Variants in NLN observed in about 807,000 individuals in gnomAD.
NLN encodes the protein neurolysin, mitochondrial.
Under a neutral mutation model 79.9 loss-of-function variants are expected in NLN, and 64 were observed. The observed-to-expected ratio is 0.80, with a 90% CI of 0.65 to 0.99. The LOEUF (loss-of-function observed/expected upper bound fraction) is 0.99, where lower values mean the gene tolerates loss of function less well. Ranked by LOEUF, NLN falls within the 50% of genes least tolerant of loss-of-function variation. The probability of loss-of-function intolerance (pLI) is 0.00; values close to 1 mark genes in which losing one functional copy is unlikely to be tolerated. For synonymous variants in NLN, 267 were observed against 296.6 expected (o/e 0.90, Z 1.02); for missense variants, 835 against 858.7 (o/e 0.97, Z 0.34).
Position 65,809,713 on chromosome 5 carries a change from A to G in NLN, c.1714+12A>G. On this transcript the variant is annotated intron_variant, in intron 10 of 12. Transcript: ENST00000380985. ...GCTGGTCAACACAGGTATGACTTCTAATTTTAAAAAGGAAAATAAATTAGA... is the reference window on the plus strand; with the variant it reads ...GCTGGTCAACACAGGTATGACTTCTGATTTTAAAAAGGAAAATAAATTAGA... 1 of 1,550,596 alleles carries G rather than the reference A, an allele frequency of 6.4e-7. No individual in the cohort carries two copies. The highest frequency in any genetic ancestry group is 1.7e-4 in the Middle Eastern group (1 of 5,782).
intron 12 of NLN, among the ~76,000 whole-genome samples, chr5:65,813,790 T>A (rs1399147511): frequency 1.3e-5 from 2 of 151,890 alleles, no homozygotes; most frequent in African/African-American, 2.4e-5. Context: ...TAGCCAGGTG[T>A]GGTGGTAGAA....
At chr5:65,730,842 G>A (rs774607846) in intron 1 of NLN, among the ~76,000 whole-genome samples, 14 of 152,162 alleles carry the variant, frequency 9.2e-5, no homozygotes, top group Non-Finnish European at 1.3e-4. Flanking sequence ...GTGAGCCACC[G>A]TGCCTGGCCT....
chr5:65,773,846 G>C (rs756462850), intron 3 of NLN, among the ~76,000 whole-genome samples: 8 of 152,108 alleles, frequency 5.3e-5, no homozygotes, highest in Non-Finnish European at 1.0e-4. Flanking sequence ...GGGAGGCTGA[G>C]GTGCGAAGAT....
At chr5:65,813,536 C>T (rs1760601433) in intron 12 of NLN, among the ~76,000 whole-genome samples, 1 of 152,134 alleles carries the variant, frequency 6.6e-6, no homozygotes, top group African/African-American at 2.4e-5. Flanking sequence ...CCAGTGTTCT[C>T]TGTGGTCCAA....
In NLN at chr5:65,728,859, T is replaced by C. The variant is rs116015131; in HGVS notation, c.41+6445T>C. ...TTTTCTTGGTGTTTTTGTTTGTTTG[T>C]TTGAGACAGAGTCTCACTTGGTTGC... On this transcript the variant is annotated intron_variant, in intron 1 of 12. Transcript: ENST00000380985. Among the ~76,000 whole-genome samples the C allele has an allele frequency of 6.9e-3, 1,053 of 152,320 alleles. 6 individuals are homozygous for C. The highest frequency in any genetic ancestry group is 0.024 in the African/African-American group (979 of 41,568).
At chr5:65,745,917 A>G (rs777867682) in intron 1 of NLN, among the ~76,000 whole-genome samples, 2 of 152,192 alleles carry the variant, frequency 1.3e-5, no homozygotes, top group Non-Finnish European at 2.9e-5. Context: ...CGTCCTTGAG[A>G]TAAGAAATAA....
intron 9 of NLN, among the ~76,000 whole-genome samples, chr5:65,804,339 A>G (rs1322684679): frequency 6.6e-6 from 1 of 152,228 alleles, no homozygotes; most frequent in Non-Finnish European, 1.5e-5. Flanking sequence ...CAGATAATCC[A>G]TGTAAAGAGC....
At chr5:65,818,672 T>C (rs1327610612) in intron 12 of NLN, 1 of 152,188 alleles carries the variant, frequency 6.6e-6, no homozygotes, top group Non-Finnish European at 1.5e-5. Flanking sequence ...TGGGAGGGAG[T>C]TATGGACTAT....
At chr5:65,793,924 A>G (rs1375078302) in intron 9 of NLN, among the ~76,000 whole-genome samples, 1 of 152,192 alleles carries the variant, frequency 6.6e-6, no homozygotes, top group Non-Finnish European at 1.5e-5. Flanking sequence ...CAGACTGAAC[A>G]CCACAGTTTA....
chr5:65,783,703 T>TAAA (rs11403265), intron 6 of NLN, among the ~76,000 whole-genome samples: 4 of 133,342 alleles, frequency 3.0e-5, no homozygotes, highest in Non-Finnish European at 6.5e-5. Context: ...CTATGAAAAT[T>TAAA]AAAAAAAAAA....
At chr5:65,795,089 A>C (rs1412430328) in intron 9 of NLN, among the ~76,000 whole-genome samples, 1 of 152,182 alleles carries the variant, frequency 6.6e-6, no homozygotes, top group African/African-American at 2.4e-5. Flanking sequence ...GTGGTGGTTC[A>C]TGCCTGTAAT....
At chr5:65,788,736 C>T (rs541945945) in intron 8 of NLN, among the ~76,000 whole-genome samples, 100 of 152,208 alleles carry the variant, frequency 6.6e-4, no homozygotes, top group African/African-American at 2.4e-3. Context: ...CTTTGGGAGG[C>T]CGAGGCAGGT....
chr5:65,726,275 C>G (rs1405747657), intron 1 of NLN, among the ~76,000 whole-genome samples: 1 of 152,158 alleles, frequency 6.6e-6, no homozygotes, highest in African/African-American at 2.4e-5. Context: ...TCACATATAA[C>G]TCAAAGGTAG....
chr5:65,766,860 G>C lies in NLN; in HGVS notation c.450+3752G>C, dbSNP rs1049999425. ...CAAAGGGGCCACAGGCCCTATGCAA[G>C]TCCAAAACCTGGCCAGGCAGTCATT... On this transcript the variant is annotated intron_variant, in intron 3 of 12. Transcript: ENST00000380985. Among the ~76,000 whole-genome samples the C allele has an allele frequency of 3.9e-5, 6 of 152,232 alleles. No individual in the cohort carries two copies. In the South Asian group the frequency reaches 1.2e-3, roughly 32 times the overall value.
rs772847214 is a variant in NLN, at chr5:65,812,334, A to T, written c.1923A>T (p.Val641=). 4 of 1,581,446 alleles carry T rather than the reference A, an allele frequency of 2.5e-6. No individual in the cohort carries two copies. The highest frequency in any genetic ancestry group is 2.6e-6 in the Non-Finnish European group (3 of 1,150,542). ...ATTATGGATATCTTTGGAGTGAAGT[A>T]TTTTCCATGGATATGTTTTACAGCT... ...GQYYGYLWSE[V]FSMDMFYSCF... is the part of the protein sequence containing the mutation. Residue 641 remains valine (V), a synonymous_variant, in exon 12 of 13, where the codon GTA becomes GTT. Transcript: ENST00000380985.
At chr5:65,789,208 T>C (rs1205137323) in intron 8 of NLN, among the ~76,000 whole-genome samples, 6 of 152,206 alleles carry the variant, frequency 3.9e-5, no homozygotes, top group Admixed American at 3.9e-4. Context: ...AGATTTAAAA[T>C]GTGGGTCTGA....
chr5:65,779,136 A>G (rs1396771121), intron 4 of NLN, among the ~76,000 whole-genome samples: 1 of 152,184 alleles, frequency 6.6e-6, no homozygotes, highest in Non-Finnish European at 1.5e-5. Flanking sequence ...TCTCAAATTT[A>G]GTGTGCATCA....
At chr5:65,820,832 A>G (rs983852929) in intron 12 of NLN, among the ~76,000 whole-genome samples, 1 of 152,052 alleles carries the variant, frequency 6.6e-6, no homozygotes, top group Non-Finnish European at 1.5e-5. Flanking sequence ...ACTTGAGGCC[A>G]AGAGTTAGAG....
At chr5:65,762,296 T>A (rs2150747926) in intron 2 of NLN, among the ~76,000 whole-genome samples, 1 of 152,176 alleles carries the variant, frequency 6.6e-6, no homozygotes, top group South Asian at 2.1e-4. Context: ...TTCTATGGAG[T>A]CTTTATCTTT....
Sources: gnomAD v4.1 joint callset for allele counts (sites outside exome capture counted in the v4.1 genomes callset) on GRCh38, gnomAD v4.1.1 for gene constraint, MANE v1.5 for transcripts, NCBI Gene and HGNC (gene_info 2026-07-23, HGNC 2026-07-21) for gene names.